Variants in PABPC4 observed in about 807,000 individuals in gnomAD.
PABPC4 encodes poly(A) binding protein cytoplasmic 4.
PABPC4 carries 15 observed loss-of-function variants against 74.5 expected under a neutral mutation model. The observed-to-expected ratio is 0.20, with a 90% CI of 0.13 to 0.31. PABPC4 has a LOEUF of 0.31. Ranked by LOEUF, PABPC4 falls within the 10% of genes least tolerant of loss-of-function variation. PABPC4 has a pLI of 1.00. For synonymous variants in PABPC4, 345 were observed against 303.0 expected, an observed-to-expected ratio of 1.14 and a Z score of -1.44; for missense variants, 610 against 853.5, an observed-to-expected ratio of 0.71 and a Z score of 3.55.
Position 39,561,017 on chromosome 1 carries a change from A to ATTAAATT in PABPC4, c.*112_*118dup, listed in dbSNP as rs373077454. 7 of 406,520 alleles carry ATTAAATT rather than the reference A, an allele frequency of 1.7e-5. No individual in the cohort carries two copies. The highest frequency in any genetic ancestry group is 1.0e-4 in the African/African-American group (5 of 47,690). 25.2% of individuals were successfully genotyped at this position (406,520 alleles called of 1,614,324 possible). A position where few individuals can be genotyped will look rare whatever the true frequency, so the allele number is the denominator to read the frequency against. On this transcript the variant is annotated 3_prime_UTR_variant, in exon 16 of 16. Coordinates refer to ENST00000372858, the MANE Select transcript of PABPC4 (RefSeq NM_001135653.2). Reference sequence around the variant, plus strand: ...TTGACCTTTTGATACAAAATGACCTATTAAATTTGCAATTTGTAATCCTTG... The same window carrying ATTAAATT: ...TTGACCTTTTGATACAAAATGACCTATTAAATTTTAAATTTGCAATTTGTAATCCTTG...
Position 39,569,580 on chromosome 1 carries a change from T to C in PABPC4, c.738+15A>G. The C allele has an allele frequency of 1.2e-6, 2 of 1,602,616 alleles. No individual in the cohort carries two copies. The highest frequency in any genetic ancestry group is 1.7e-5 in the Admixed American group (1 of 60,016). ...ACCTCTTAAAAGCTTTTCCCAATCT[T>C]TGTGGTATACTCACCTTATTGGCAT... On this transcript the variant is annotated intron_variant, in intron 5 of 15. Transcript: ENST00000372858.
At position 39,571,298 on chromosome 1, in the gene PABPC4, T is replaced by G; in HGVS notation, c.439A>C (p.Thr147Pro). Residue 147 changes from threonine to proline, a missense_variant, in exon 3 of 16, where the codon ACC (threonine) becomes CCC (proline). Physicochemically the swap from Thr to Pro is conservative, Grantham distance 38 (BLOSUM62 -1). Around this residue, in one of 4 missense-constraint regions of PABPC4, gnomAD observed 304 missense variants for 478.9 expected, o/e 0.63. Coordinates refer to ENST00000372858, the MANE Select transcript of PABPC4 (RefSeq NM_001135653.2). ...ATGGCCTTGTCGGCAGCCTCTTGGG[T>G]CTCGAAGTGGACAAAGGCATAACCC... ...SKGYAFVHFE[T>P]QEAADKAIEK... 6.2e-7 allele frequency: 1 copy of G among 1,614,078 alleles called. No homozygotes were observed. Among genetic ancestry groups the G allele is most frequent in the Non-Finnish European group, 8.5e-7 (1 of 1,180,016 alleles).
At chr1:39,562,508 A>C (rs4660293) in intron 12 of PABPC4, 92 bp from the exon 13 acceptor site, 22 of 885,252 alleles carry the variant, frequency 2.5e-5, no homozygotes. Flanking sequence ...ACATCTGACT[A>C]TGTGAAAGAG....
Position 39,567,808 on chromosome 1 carries a change from A to G in PABPC4, c.915T>C (p.Ile305=). The change falls in exon 7 of 16, where the codon ATT becomes ATC. Residue 305 remains isoleucine, a synonymous_variant. Coordinates refer to ENST00000372858, the MANE Select transcript of PABPC4 (RefSeq NM_001135653.2). ...NLYIKNLDDT[I]DDEKLRKEFS... Reference sequence around the variant, plus strand: ...ATTCTTTCCTTAATTTCTCATCATCAATAGTGTCATCCAAGTTCTTAATGT... The same window carrying G: ...ATTCTTTCCTTAATTTCTCATCATCGATAGTGTCATCCAAGTTCTTAATGT... 2 of 1,600,606 alleles carry G rather than the reference A, an allele frequency of 1.2e-6. No homozygotes were observed. The highest frequency in any genetic ancestry group is 1.3e-5 in the African/African-American group (1 of 74,776).
Position 39,571,444 on chromosome 1 carries a change from A to C in PABPC4, c.388-95T>G, listed in dbSNP as rs1013080506. ...CTTGTGCCTGAGGAGACTCTAGCCC[A>C]TCCATGGCCAATGGTGGTCAAGTAC... On this transcript the variant is annotated intron_variant, in intron 2 of 15. Transcript: ENST00000372858. 7.6e-6 allele frequency: 11 copies of C among 1,450,146 alleles called. No homozygotes were observed. The African/African-American group carries it at 1.4e-4, about 18-fold the overall frequency. 89.8% of individuals were successfully genotyped at this position (1,450,146 alleles called of 1,614,324 possible). A position where few individuals can be genotyped will look rare whatever the true frequency, so the allele number is the denominator to read the frequency against.
intron 7 of PABPC4, among the ~76,000 whole-genome samples, chr1:39,566,798 T>C (rs773998589): frequency 6.6e-6 from 1 of 152,080 alleles, no homozygotes; most frequent in East Asian, 1.9e-4. Flanking sequence ...AGAAGATCAC[T>C]CCTTACACTG....
chr1:39,572,165 T>A (rs1403149911), intron 2 of PABPC4, among the ~76,000 whole-genome samples: 1 of 152,124 alleles, frequency 6.6e-6, no homozygotes, highest in African/African-American at 2.4e-5. Context: ...AGCTAAAGAA[T>A]AGGAAGGATA....
chr1:39,561,144 C>T (rs1487725452), intron 15 of PABPC4, 22 bp from the exon 16 acceptor site: 2 of 470,440 alleles, frequency 4.3e-6, no homozygotes, highest in Non-Finnish European at 8.8e-6. Context: ...AGCACCAACA[C>T]AAATAAATGC....
chr1:39,564,896 G>T, intron 8 of PABPC4, 123 bp from the exon 9 acceptor site: 1 of 912,894 alleles, frequency 1.1e-6, no homozygotes, highest in Non-Finnish European at 1.7e-6. Flanking sequence ...CTATTCAAGA[G>T]CTGAGGGGTC....
intron 12 of PABPC4, 173 bp downstream of exon 12, chr1:39,563,440 GC>G (rs1417198727): frequency 2.5e-6 from 2 of 803,498 alleles, no homozygotes; most frequent in East Asian, 5.6e-5. Context: ...GCACTTTTAA[GC>G]CCCTTCTTTC....
chr1:39,567,986 G>A (rs575071181), intron 6 of PABPC4, 140 bp from the exon 7 acceptor site: 36 of 574,776 alleles, frequency 6.3e-5, no homozygotes, highest in African/African-American at 1.3e-4. Flanking sequence ...GGCCGGACGC[G>A]GTGGCTCACG....
chr1:39,567,958 G>C (rs192156441), intron 6 of PABPC4, 112 bp from the exon 7 acceptor site: 1 of 644,280 alleles, frequency 1.6e-6, no homozygotes, highest in African/African-American at 1.8e-5. Flanking sequence ...TTGGGAACTT[G>C]TTAGAAATGA....
At chr1:39,572,656 A>G in intron 1 of PABPC4, 70 bp from the exon 2 acceptor site, 3 of 1,182,420 alleles carry the variant, frequency 2.5e-6, no homozygotes, top group Non-Finnish European at 3.7e-6. Context: ...GCCTAAGAAC[A>G]GATTACTCCA....
chr1:39,568,741 G>A (rs1645891206), intron 6 of PABPC4, 61 bp downstream of exon 6: 22 of 1,498,950 alleles, frequency 1.5e-5, no homozygotes, highest in Non-Finnish European at 2.0e-5. Context: ...CTAAACATAG[G>A]GGTGTTCTGC....
At chr1:39,564,328 A>G in intron 10 of PABPC4, 95 bp downstream of exon 10, 1 of 1,428,638 alleles carries the variant, frequency 7.0e-7, no homozygotes, top group South Asian at 1.3e-5. Context: ...GGACTCGATA[A>G]ATTCGAGCCC....
In PABPC4 at chr1:39,563,748, G is replaced by T. The variant is rs530296218; in HGVS notation, c.1541-7C>A. Reference sequence around the variant, plus strand: ...TGCACAGCTGTGGGAACGCCTTAGGGAAAGAACAAATACAATTAAAGCCCA... The same window carrying T: ...TGCACAGCTGTGGGAACGCCTTAGGTAAAGAACAAATACAATTAAAGCCCA... On this transcript the variant is annotated splice_region_variant and splice_polypyrimidine_tract_variant and intron_variant, in intron 11 of 15. Transcript: ENST00000372858. 1.9e-6 allele frequency: 3 copies of T among 1,614,016 alleles called. No homozygotes were observed. Among genetic ancestry groups the T allele is most frequent in the East Asian group, 4.5e-5 (2 of 44,872 alleles).
chr1:39,562,558 C>A, intron 12 of PABPC4, 142 bp from the exon 13 acceptor site: 1 of 624,816 alleles, frequency 1.6e-6, no homozygotes, highest in Admixed American at 3.0e-5. Flanking sequence ...GAACTAATTT[C>A]AGTCCTTGAA....
intron 3 of PABPC4, 34 bp from the exon 4 acceptor site, chr1:39,570,036 A>G (rs1412963531): frequency 6.2e-7 from 1 of 1,604,754 alleles, no homozygotes; most frequent in Non-Finnish European, 8.5e-7. Context: ...GTAATTACCC[A>G]GAGGAATAAA....
chr1:39,571,066 G>C, intron 3 of PABPC4, 168 bp downstream of exon 3: 2 of 1,501,622 alleles, frequency 1.3e-6, no homozygotes, highest in Non-Finnish European at 8.9e-7. Context: ...CGAGTCAAAA[G>C]GGCTGCCACG....
Sources: gnomAD v4.1 joint callset for allele counts (sites outside exome capture counted in the v4.1 genomes callset) on GRCh38, gnomAD v4.1.1 for gene constraint, gnomAD v4.1.1 regional missense constraint, MANE v1.5 for transcripts, NCBI Gene and HGNC (gene_info 2026-07-23, HGNC 2026-07-21) for gene names.